The following EYS variants were observed in gnomAD, a reference collection of about 807,000 sequenced individuals.
The protein encoded by EYS is EGF-like photoreceptor maintenance factor, also known as protein eyes shut homolog.
EYS carries 250 observed loss-of-function variants against 282.1 expected under a neutral mutation model. That is an observed-to-expected ratio of 0.89 (90% CI 0.80 to 0.98). EYS has a LOEUF of 0.98. EYS is among the 50% of genes least tolerant of loss of function. The pLI, the probability that EYS is intolerant of heterozygous loss-of-function variation, is 0.00. For synonymous variants in EYS, 1,355 were observed against 1,282.9 expected (o/e 1.06, Z -1.20); for missense variants, 4,016 against 3,709.0 (o/e 1.08, Z -2.15).
Position 65,079,374 on chromosome 6 carries a change from A to T in EYS, c.2024-21647T>A, listed in dbSNP as rs895439924. Among the ~76,000 whole-genome samples, 242 of 152,130 alleles carry T rather than the reference A, an allele frequency of 1.6e-3. 1 individual carries two copies. The highest frequency in any genetic ancestry group is 5.6e-3 in the African/African-American group (232 of 41,532). ...ACTAATTCATTTGAGATATTTAAAA[A>T]CTTTTAAATATGGTTGACAACTTGA... On this transcript the variant is annotated intron_variant, in intron 12 of 42. Coordinates refer to ENST00000503581, the MANE Select transcript of EYS (RefSeq NM_001142800.2).
At chr6:64,896,297 G>A (rs1465138254) in intron 18 of EYS, among the ~76,000 whole-genome samples, 3 of 152,068 alleles carry the variant, frequency 2.0e-5, no homozygotes, top group African/African-American at 4.8e-5. Context: ...GCAGATGCAG[G>A]GTGGGGCACT....
At chr6:65,267,486 C>A (rs761274514) in intron 12 of EYS, among the ~76,000 whole-genome samples, 18 of 151,950 alleles carry the variant, frequency 1.2e-4, no homozygotes, top group Non-Finnish European at 2.2e-4. Context: ...GAAGTCCAAC[C>A]AGTGTTTTCC....
chr6:65,536,811 T>C (rs970642627), intron 2 of EYS, among the ~76,000 whole-genome samples: 1 of 152,146 alleles, frequency 6.6e-6, no homozygotes, highest in East Asian at 1.9e-4. Context: ...AAAGACTCAA[T>C]ATTGTCAGGT....
intron 35 of EYS, among the ~76,000 whole-genome samples, chr6:63,925,361 T>C (rs777665848): frequency 6.6e-6 from 1 of 152,222 alleles, no homozygotes; most frequent in African/African-American, 2.4e-5. Flanking sequence ...AAAATGAGTA[T>C]ATTTTACCTA....
intron 31 of EYS, among the ~76,000 whole-genome samples, chr6:64,091,925 A>G (rs112294820): frequency 0.075 from 11,408 of 151,968 alleles, 1,335 homozygotes; most frequent in African/African-American, 0.25. Flanking sequence ...AACAGGCCCC[A>G]GTGTGTGATG....
chr6:64,587,678 AT>A (rs757365101), intron 26 of EYS, among the ~76,000 whole-genome samples: 61 of 152,140 alleles, frequency 4.0e-4, no homozygotes, highest in Middle Eastern at 6.8e-3. Context: ...GCTGGCTATC[AT>A]TTTAGGTATC....
intron 18 of EYS, among the ~76,000 whole-genome samples, chr6:64,889,327 G>A (rs1767202991): frequency 6.6e-6 from 1 of 151,954 alleles, no homozygotes; most frequent in South Asian, 2.1e-4. Flanking sequence ...TTGTCATGAT[G>A]AAGATGTGGG....
chr6:64,400,517 TTTTA>T (rs1255922364), intron 28 of EYS: 1 of 152,094 alleles, frequency 6.6e-6, no homozygotes, highest in Non-Finnish European at 1.5e-5. Flanking sequence ...CAGGTTGTTA[TTTTA>T]TTCAAGAGGC....
Position 63,778,054 on chromosome 6 carries a change from A to C in EYS, c.7850T>G (p.Met2617Arg). 6.4e-7 allele frequency: 1 copy of C among 1,551,684 alleles called. No homozygotes were observed. Among genetic ancestry groups the C allele is most frequent in the East Asian group, 2.4e-5 (1 of 40,926 alleles). ...GCATGTCCCACCATTGCCACATTTC[A>C]TTAAACTGCAGGGAGAAGCATGACA... Reference protein sequence around the residue: ...GQCHASPCSLMKCGNGGTCIE... With the variant: ...GQCHASPCSLRKCGNGGTCIE... Residue 2617 changes from methionine (M) to arginine (R), a missense_variant, in exon 40 of 43, where the codon ATG (methionine) becomes AGG (arginine). Transcript: ENST00000503581.
chr6:65,228,728 A>T (rs527036), intron 12 of EYS, among the ~76,000 whole-genome samples: 50,485 of 151,918 alleles, frequency 0.33, 9,637 homozygotes, highest in African/African-American at 0.52. Context: ...ATAGTAATAC[A>T]ATTGGAGTTC....
chr6:64,265,747 T>C (rs1213945835), intron 30 of EYS, among the ~76,000 whole-genome samples: 2 of 152,170 alleles, frequency 1.3e-5, no homozygotes, highest in Non-Finnish European at 2.9e-5. Flanking sequence ...TTGAAAATGC[T>C]GTCCTGAGTA....
At chr6:64,545,769 C>T (rs1453014709) in intron 26 of EYS, among the ~76,000 whole-genome samples, 2 of 152,106 alleles carry the variant, frequency 1.3e-5, no homozygotes, top group East Asian at 1.9e-4. Context: ...CTCCCATTCA[C>T]AATTGTTTCA....
chr6:65,512,137 G>A (rs552093174), intron 2 of EYS, among the ~76,000 whole-genome samples: 7 of 151,688 alleles, frequency 4.6e-5, no homozygotes, highest in African/African-American at 1.5e-4. Flanking sequence ...CTAACTTTCC[G>A]GCACACTTAG....
At chr6:65,344,274 A>C in intron 9 of EYS, 97 bp from the exon 10 acceptor site, 1 of 1,050,566 alleles carries the variant, frequency 9.5e-7, no homozygotes, top group Admixed American at 2.1e-5. Flanking sequence ...TGAAAAGATA[A>C]ATTTGACAAC....
At chr6:65,264,109 TA>T (rs141325256) in intron 12 of EYS, among the ~76,000 whole-genome samples, 2 of 152,048 alleles carry the variant, frequency 1.3e-5, no homozygotes, top group Admixed American at 6.6e-5. Context: ...ATGTTCTATT[TA>T]AAAAAATTAA....
At chr6:63,961,260 G>C (rs1766045148) in intron 35 of EYS, among the ~76,000 whole-genome samples, 1 of 152,152 alleles carries the variant, frequency 6.6e-6, no homozygotes, top group African/African-American at 2.4e-5. Flanking sequence ...CATCTAGATG[G>C]CCTGAAGCAA....
chr6:63,731,644 A>G (rs1212536464), intron 41 of EYS, among the ~76,000 whole-genome samples: 1 of 152,110 alleles, frequency 6.6e-6, no homozygotes, highest in Non-Finnish European at 1.5e-5. Context: ...TTTTTTTACC[A>G]TAAATTTGTA....
chr6:65,508,662 CAAA>C (rs35302193), intron 2 of EYS, among the ~76,000 whole-genome samples: 12 of 109,926 alleles, frequency 1.1e-4, no homozygotes, highest in Admixed American at 1.9e-4. Context: ...GACTCCATCT[CAAA>C]AAAAAAAAAA....
At chr6:65,242,748 G>T (rs1767086517) in intron 12 of EYS, among the ~76,000 whole-genome samples, 1 of 151,542 alleles carries the variant, frequency 6.6e-6, no homozygotes, top group Non-Finnish European at 1.5e-5. Flanking sequence ...AACATATTAG[G>T]GTTCCCATTT....
Sources: gnomAD v4.1 joint callset for allele counts (sites outside exome capture counted in the v4.1 genomes callset) on GRCh38, gnomAD v4.1.1 for gene constraint, MANE v1.5 for transcripts, NCBI Gene and HGNC (gene_info 2026-07-23, HGNC 2026-07-21) for gene names.